Variants in RBM41 observed in about 807,000 individuals in gnomAD.
RBM41 encodes the protein RNA-binding protein 41.
A neutral mutation model predicts 30.8 loss-of-function variants in RBM41; 14 were observed. The ratio of observed to expected loss-of-function variants is 0.45; its 90% CI spans 0.30 to 0.71. The LOEUF (loss-of-function observed/expected upper bound fraction) is 0.71. Ranked by LOEUF, RBM41 falls within the 30% of genes least tolerant of loss-of-function variation. The pLI is 0.08. For missense variants in RBM41, 276 were observed against 326.3 expected (o/e 0.85, Z 1.19); for synonymous variants, 120 against 110.1 (o/e 1.09, Z -0.56).
intron 1 of RBM41, 33 bp downstream of exon 1, chrX:107,118,724 ACAAAGCTCC>A: frequency 8.3e-7 from 1 of 1,210,379 alleles, no homozygotes; most frequent in Non-Finnish European, 1.1e-6. Context: ...AAAAGGTAGA[ACAAAGCTCC>A]CCTTGCCGCC....
intron 5 of RBM41, among the ~76,000 whole-genome samples, chrX:107,106,179 A>G (rs1159232660): frequency 1.8e-5 from 2 of 112,178 alleles, no homozygotes; most frequent in Non-Finnish European, 3.8e-5. Flanking sequence ...CAAGAAAAAA[A>G]CAAACAACCG....
intron 5 of RBM41, among the ~76,000 whole-genome samples, chrX:107,109,901 T>G (rs963226446): frequency 6.3e-5 from 7 of 111,520 alleles, no homozygotes; most frequent in Non-Finnish European, 1.1e-4. Context: ...GTAATTTTCC[T>G]AAATGTCCTT....
At chrX:107,087,425 A>T (rs1459871761) in intron 6 of RBM41, among the ~76,000 whole-genome samples, 1 of 111,524 alleles carries the variant, frequency 9.0e-6, no homozygotes, top group Non-Finnish European at 1.9e-5. Flanking sequence ...CTAACATAAT[A>T]ATTTTGGTTT....
chrX:107,107,389 T>G, intron 5 of RBM41, among the ~76,000 whole-genome samples: 1 of 111,651 alleles, frequency 9.0e-6, no homozygotes, highest in South Asian at 3.8e-4. Context: ...TGAAATAGGA[T>G]GGAAGACTGT....
At chrX:107,075,227 C>T (rs4494037) in intron 6 of RBM41, among the ~76,000 whole-genome samples, 30,835 of 110,700 alleles carry the variant, frequency 0.28, 3,805 homozygotes, top group East Asian at 0.48. Flanking sequence ...GAAATTGGAC[C>T]CTTATCTTAC....
intron 7 of RBM41, among the ~76,000 whole-genome samples, chrX:107,068,922 G>A (rs1312541305): frequency 8.9e-6 from 1 of 111,931 alleles, no homozygotes; most frequent in African/African-American, 3.2e-5. Flanking sequence ...AAGTACATGT[G>A]TTCTGATCAG....
the RBM41 span, among the ~76,000 whole-genome samples, chrX:107,056,316 A>G: frequency 9.0e-6 from 1 of 111,727 alleles, no homozygotes; most frequent in Non-Finnish European, 1.9e-5. Flanking sequence ...GGACTTTTGT[A>G]TCTGTATTCG....
chrX:107,099,993 T>A (rs1923313162), intron 5 of RBM41, among the ~76,000 whole-genome samples: 1 of 112,026 alleles, frequency 8.9e-6, no homozygotes, highest in Non-Finnish European at 1.9e-5. Flanking sequence ...GTAAACAAAC[T>A]ACATACACAT....
At chrX:107,055,727 T>C in the RBM41 span, among the ~76,000 whole-genome samples, 9 of 112,530 alleles carry the variant, frequency 8.0e-5, no homozygotes, top group African/African-American at 2.9e-4. Context: ...CTTCCAGCCA[T>C]GTATGAGGGT....
At chrX:107,083,082 T>C (rs768187513) in intron 6 of RBM41, among the ~76,000 whole-genome samples, 110 of 110,556 alleles carry the variant, frequency 9.9e-4, no homozygotes, top group South Asian at 7.2e-3. Flanking sequence ...TTTTTTTTTT[T>C]CCCTACAAGG....
At chrX:107,074,808 AAG>A (rs1431958088) in intron 6 of RBM41, among the ~76,000 whole-genome samples, 1 of 112,076 alleles carries the variant, frequency 8.9e-6, no homozygotes, top group Non-Finnish European at 1.9e-5. Flanking sequence ...CATGGATTAG[AAG>A]ACTTAATATT....
rs1935749954 is a variant in RBM41 at position 107,064,149 on chromosome X, C to T, written c.*3378G>A. On this transcript the variant is annotated 3_prime_UTR_variant, in exon 8 of 8. Coordinates refer to ENST00000685964, the MANE Select transcript of RBM41 (RefSeq NM_001324242.2). ...TGTATTTTTAGTAGAGACAGGGTTTCACCATGTTACCCAGAATGGTCTCGA... is the reference window on the plus strand; with the variant it reads ...TGTATTTTTAGTAGAGACAGGGTTTTACCATGTTACCCAGAATGGTCTCGA... 9.2e-6 allele frequency among the ~76,000 whole-genome samples: 1 copy of T among 109,247 alleles called. No individual in the cohort carries two copies. The highest frequency in any genetic ancestry group is 3.3e-5 in the African/African-American group (1 of 30,064). The allele number at this position is 109,247 out of a possible 115,157, so 94.9% of individuals were successfully genotyped here.
intron 6 of RBM41, among the ~76,000 whole-genome samples, chrX:107,080,641 T>G (rs1052759002): frequency 9.1e-6 from 1 of 109,543 alleles, no homozygotes; most frequent in Non-Finnish European, 1.9e-5. Flanking sequence ...ATCTTCTACA[T>G]CTATAATTTT....
chrX:107,052,574 C>T, the RBM41 span, among the ~76,000 whole-genome samples: 1 of 111,158 alleles, frequency 9.0e-6, no homozygotes, highest in Non-Finnish European at 1.9e-5. Flanking sequence ...GGAGGGGTGC[C>T]TTTGATGTCA....
chrX:107,076,266 G>A (rs1240198373), intron 6 of RBM41, among the ~76,000 whole-genome samples: 2 of 108,319 alleles, frequency 1.8e-5, no homozygotes, highest in Non-Finnish European at 3.8e-5. Flanking sequence ...GTAGTGAACC[G>A]AGATCGCACC....
intron 5 of RBM41, among the ~76,000 whole-genome samples, chrX:107,092,263 G>A (rs182314019): frequency 2.8e-5 from 3 of 106,096 alleles, no homozygotes; most frequent in African/African-American, 1.1e-4. Flanking sequence ...ATAAAGAGAT[G>A]GACCAAAAAA....
intron 5 of RBM41, among the ~76,000 whole-genome samples, chrX:107,109,780 T>C (rs1924307213): frequency 9.0e-6 from 1 of 111,421 alleles, no homozygotes; most frequent in African/African-American, 3.2e-5. Context: ...TTTTACTCCA[T>C]AAGTTTTTGG....
rs991752393 is a variant in RBM41 at position 107,064,731 on chromosome X, G to T, written c.*2796C>A. ...TTTTGGAGATGTTTCATATGCACTC[G>T]AGAAGAATATGTATTCTGATGTTGG... On this transcript the variant is annotated 3_prime_UTR_variant, in exon 8 of 8. Coordinates refer to ENST00000685964, the MANE Select transcript of RBM41 (RefSeq NM_001324242.2). 1.8e-5 allele frequency: 2 copies of T among 111,782 alleles called. No individual in the cohort carries two copies. The highest frequency in any genetic ancestry group is 3.8e-5 in the Non-Finnish European group (2 of 53,158). The allele number at this position is 111,782 out of a possible 1,213,427, so 9.2% of individuals were successfully genotyped here.
chrX:107,071,768 T>G (rs1376584274), intron 6 of RBM41, among the ~76,000 whole-genome samples: 1 of 111,748 alleles, frequency 8.9e-6, no homozygotes, highest in Non-Finnish European at 1.9e-5. Flanking sequence ...ATAAAGGCCA[T>G]ATATGTAAAG....
Sources: gnomAD v4.1 joint callset for allele counts (sites outside exome capture counted in the v4.1 genomes callset) on GRCh38, gnomAD v4.1.1 for gene constraint, MANE v1.5 for transcripts, NCBI Gene and HGNC (gene_info 2026-07-23, HGNC 2026-07-21) for gene names.